The following STXBP5 variants were observed in gnomAD, a reference collection of about 807,000 sequenced individuals.
STXBP5 encodes syntaxin-binding protein 5.
A neutral mutation model predicts 152.4 loss-of-function variants in STXBP5; 50 were observed. The observed-to-expected ratio is 0.33, with a 90% CI of 0.26 to 0.42. The LOEUF (loss-of-function observed/expected upper bound fraction) is 0.42. Among genes scored for constraint, STXBP5 ranks in the 10% least tolerant of loss-of-function variants. The pLI, the probability that STXBP5 is intolerant of heterozygous loss-of-function variation, is 1.00. For synonymous variants in STXBP5, 492 were observed against 494.7 expected, an observed-to-expected ratio of 0.99 and a Z score of 0.07; for missense variants, 1,167 against 1,388.6, an observed-to-expected ratio of 0.84 and a Z score of 2.54.
In STXBP5 at chr6:147,241,201, A is replaced by G. The variant is rs571613052; in HGVS notation, c.431+1931A>G. ...TACCTCATATACCACCCTCATTCCA[A>G]CTCAATCTCCCCATTCATGGTGTTC... On this transcript the variant is annotated intron_variant, in intron 4 of 27. Transcript: ENST00000321680. Among the ~76,000 whole-genome samples the G allele has an allele frequency of 7.8e-4, 119 of 152,222 alleles. 1 individual carries two copies. Among genetic ancestry groups the G allele is most frequent in the South Asian group, 4.8e-3 (23 of 4,818 alleles).
intron 2 of STXBP5, among the ~76,000 whole-genome samples, chr6:147,218,134 C>T (rs1777268500): frequency 6.6e-6 from 1 of 152,200 alleles, no homozygotes; most frequent in South Asian, 2.1e-4. Context: ...TGTCCCAAAA[C>T]ATTCGTAGCC....
chr6:147,236,821 C>T (rs1424581109), intron 3 of STXBP5, among the ~76,000 whole-genome samples: 3 of 151,222 alleles, frequency 2.0e-5, no homozygotes, highest in African/African-American at 7.3e-5. Flanking sequence ...CTCCGTCACC[C>T]AGGCTGGCAT....
intron 2 of STXBP5, among the ~76,000 whole-genome samples, chr6:147,212,715 A>G (rs976996267): frequency 6.6e-6 from 1 of 152,158 alleles, no homozygotes; most frequent in Non-Finnish European, 1.5e-5. Flanking sequence ...GTGTCCATTG[A>G]CTACATTCAT....
chr6:147,270,195 G>A (rs1780089369), intron 7 of STXBP5, among the ~76,000 whole-genome samples: 1 of 151,874 alleles, frequency 6.6e-6, no homozygotes, highest in Non-Finnish European at 1.5e-5. Flanking sequence ...TCAGGAGATC[G>A]AGACCATCCT....
At chr6:147,331,897 A>G (rs578024427) in intron 18 of STXBP5, among the ~76,000 whole-genome samples, 1 of 151,968 alleles carries the variant, frequency 6.6e-6, no homozygotes, top group East Asian at 1.9e-4. Context: ...GTTCCTGTAT[A>G]AAATGCCTAC....
chr6:147,354,464 C>CAA (rs1179541338), intron 22 of STXBP5, among the ~76,000 whole-genome samples: 10 of 137,474 alleles, frequency 7.3e-5, no homozygotes, highest in African/African-American at 2.1e-4. Context: ...TTTTCTCCAC[C>CAA]AAAAAAAAAA....
At chr6:147,349,756 A>G (rs905496607) in intron 21 of STXBP5, among the ~76,000 whole-genome samples, 3 of 152,318 alleles carry the variant, frequency 2.0e-5, no homozygotes, top group East Asian at 3.9e-4. Flanking sequence ...CCTCTGGCAC[A>G]TTACAGACAT....
intron 2 of STXBP5, among the ~76,000 whole-genome samples, chr6:147,221,210 G>C (rs572740222): frequency 3.2e-4 from 49 of 152,002 alleles, no homozygotes; most frequent in Non-Finnish European, 6.5e-4. Flanking sequence ...GATCACTTAT[G>C]TCATTGCTGT....
Position 147,208,867 on chromosome 6 carries a change from T to A in STXBP5, c.248+2799T>A, listed in dbSNP as rs554203040. Among the ~76,000 whole-genome samples the A allele has an allele frequency of 1.3e-3, 199 of 152,222 alleles. 3 individuals are homozygous for A. The highest frequency in any genetic ancestry group is 4.6e-3 in the African/African-American group (190 of 41,576). ...GACAAGGATTAGTGAAAAATCTTAA[T>A]CCTTTAATAATACATAACAAATTAT... On this transcript the variant is annotated intron_variant, in intron 2 of 27. Coordinates refer to ENST00000321680, the MANE Select transcript of STXBP5 (RefSeq NM_001127715.4).
chr6:147,241,165 G>C (rs936809540), intron 4 of STXBP5, among the ~76,000 whole-genome samples: 3 of 152,128 alleles, frequency 2.0e-5, no homozygotes, highest in Non-Finnish European at 4.4e-5. Flanking sequence ...ATACTACAGA[G>C]AATTTCCATA....
chr6:147,370,085 C>T (rs983418710), intron 25 of STXBP5, among the ~76,000 whole-genome samples: 3 of 151,818 alleles, frequency 2.0e-5, no homozygotes, highest in African/African-American at 7.3e-5. Flanking sequence ...AAGGAGTAAA[C>T]GATGCAATCA....
intron 9 of STXBP5, among the ~76,000 whole-genome samples, chr6:147,299,642 A>G (rs1781706055): frequency 6.6e-6 from 1 of 152,060 alleles, no homozygotes; most frequent in South Asian, 2.1e-4. Flanking sequence ...AAAAAAGAAA[A>G]CTATCAACAG....
intron 22 of STXBP5, 65 bp downstream of exon 22, chr6:147,353,438 A>G: frequency 9.0e-7 from 1 of 1,113,700 alleles, no homozygotes. Flanking sequence ...AAATCAGAAA[A>G]TTTATAGTTA....
chr6:147,234,153 T>G (rs1398949259), intron 2 of STXBP5, among the ~76,000 whole-genome samples: 2 of 151,764 alleles, frequency 1.3e-5, no homozygotes, highest in Admixed American at 1.3e-4. Flanking sequence ...CATACCTGAA[T>G]GTGAATTTAT....
intron 4 of STXBP5, among the ~76,000 whole-genome samples, chr6:147,244,987 CT>C (rs57889304): frequency 0.024 from 2,060 of 86,192 alleles, 9 homozygotes; most frequent in African/African-American, 0.032. Flanking sequence ...TGCTGAGCTG[CT>C]TTTTTTTTTT....
intron 22 of STXBP5, among the ~76,000 whole-genome samples, chr6:147,354,996 G>A (rs1037817534): frequency 1.3e-5 from 2 of 152,134 alleles, no homozygotes. Context: ...CCAGATGTTG[G>A]TAAAGCACTG....
intron 17 of STXBP5, 83 bp from the exon 18 acceptor site, chr6:147,327,042 C>A: frequency 7.6e-7 from 1 of 1,316,054 alleles, no homozygotes. Flanking sequence ...CACCATGCTT[C>A]TTTCTTCAGC....
chr6:147,257,219 A>G (rs9497733), intron 4 of STXBP5, among the ~76,000 whole-genome samples: 2,542 of 151,088 alleles, frequency 0.017, 61 homozygotes, highest in African/African-American at 0.057. Flanking sequence ...ACTTGTATTT[A>G]GTGGCATACT....
chr6:147,360,142 A>G (rs1784997438), intron 23 of STXBP5, among the ~76,000 whole-genome samples: 1 of 152,164 alleles, frequency 6.6e-6, no homozygotes, highest in Admixed American at 6.5e-5. Flanking sequence ...AAAAGTCAGG[A>G]AACAACAGGT....
Sources: gnomAD v4.1 joint callset for allele counts (sites outside exome capture counted in the v4.1 genomes callset) on GRCh38, gnomAD v4.1.1 for gene constraint, MANE v1.5 for transcripts, NCBI Gene and HGNC (gene_info 2026-07-23, HGNC 2026-07-21) for gene names.